KCND3: variants seen among roughly 807,000 people sequenced by gnomAD.
The protein encoded by KCND3 is potassium voltage-gated channel subfamily D member 3.
In KCND3, 9 loss-of-function variants were observed where a neutral mutation model predicts 51.1. That is an observed-to-expected ratio of 0.18 (90% CI 0.11 to 0.31). KCND3 has a LOEUF of 0.31. KCND3 is among the 10% of genes least tolerant of loss of function. KCND3 has a pLI of 1.00. For synonymous variants in KCND3, 349 were observed against 368.0 expected (o/e 0.95, Z 0.59); for missense variants, 526 against 903.8 (o/e 0.58, Z 5.36).
intron 2 of KCND3, among the ~76,000 whole-genome samples, chr1:111,934,155 G>T (rs576255187): frequency 6.6e-6 from 1 of 152,258 alleles, no homozygotes; most frequent in South Asian, 2.1e-4. Context: ...CCAGGTTGCT[G>T]TCTCCTCACC....
At chr1:111,903,234 T>G (rs1028338509) in intron 2 of KCND3, among the ~76,000 whole-genome samples, 4 of 152,366 alleles carry the variant, frequency 2.6e-5, no homozygotes, top group African/African-American at 9.6e-5. Context: ...AGTACCTCGC[T>G]GCTTTCTCCA....
At position 111,888,966 on chromosome 1, in the gene KCND3, T is replaced by C. The variant is rs531805399; in HGVS notation, c.1106+92655A>G. On this transcript the variant is annotated intron_variant, in intron 2 of 7. Coordinates refer to ENST00000302127, the MANE Select transcript of KCND3 (RefSeq NM_001378969.1). ...TGGCACTCACCGGGAGCAGCTTTGC[T>C]AATGAGGGACTTTTCTCTGGTTGTG... 5.3e-5 allele frequency among the ~76,000 whole-genome samples: 8 copies of C among 152,140 alleles called. No homozygotes were observed. In the South Asian group the frequency reaches 1.7e-3, roughly 32 times the overall value.
intron 2 of KCND3, among the ~76,000 whole-genome samples, chr1:111,900,383 T>A (rs1165633154): frequency 6.6e-6 from 1 of 152,240 alleles, no homozygotes. Flanking sequence ...AACATTCATT[T>A]GCATAAGGCA....
In KCND3 at chr1:111,861,492, C is replaced by T. The variant is rs187953933; in HGVS notation, c.1107-74386G>A. ...TTTGAAATCACTTTAAAAGGCTTTT[C>T]ATTTTGTAGATAAGAAAACTGGGGT... On this transcript the variant is annotated intron_variant, in intron 2 of 7. Transcript: ENST00000302127. Among the ~76,000 whole-genome samples the T allele has an allele frequency of 2.1e-3, 324 of 152,316 alleles. 1 individual carries two copies. Among genetic ancestry groups the T allele is most frequent in the African/African-American group, 7.5e-3 (311 of 41,582 alleles).
chr1:111,908,951 C>T (rs1446008935), intron 2 of KCND3, among the ~76,000 whole-genome samples: 5 of 131,324 alleles, frequency 3.8e-5, no homozygotes, highest in East Asian at 2.2e-4. Context: ...GGTCTCATGC[C>T]TTTTTTTTTT....
intron 2 of KCND3, among the ~76,000 whole-genome samples, chr1:111,812,954 C>A (rs935582322): frequency 6.6e-6 from 1 of 152,220 alleles, no homozygotes; most frequent in East Asian, 1.9e-4. Flanking sequence ...AGTCTGCCAT[C>A]TAGAACTGCT....
chr1:111,942,035 T>TG (rs964493840), intron 2 of KCND3, among the ~76,000 whole-genome samples: 12 of 152,098 alleles, frequency 7.9e-5, no homozygotes, highest in Admixed American at 7.9e-4. Context: ...TCCAGGGACT[T>TG]GGAGTATAAG....
chr1:111,982,209 A>G lies in KCND3; in HGVS notation c.518T>C (p.Phe173Ser). 1 of 1,613,906 alleles carries G rather than the reference A, an allele frequency of 6.2e-7. No individual in the cohort carries two copies. Among genetic ancestry groups the G allele is most frequent in the Non-Finnish European group, 8.5e-7 (1 of 1,179,974 alleles). ...CAGCGTGCTGGTGTGGGGGTTCTCG[A>G]AGGCCCGCCACATGGTCTGGCGGAA... is the stretch of plus-strand genomic sequence containing the variant. ...LSFRQTMWRA[F>S]ENPHTSTLAL... The change falls in exon 2 of 8, where the codon TTC (phenylalanine) becomes TCC (serine). Residue 173 changes from phenylalanine to serine, a missense_variant. Phe to Ser is a radical substitution (Grantham distance 155, BLOSUM62 -2). Coordinates refer to ENST00000302127, the MANE Select transcript of KCND3 (RefSeq NM_001378969.1). This position sits in a 1 kb window ranked among gnomAD's most constrained non-coding sequence, Gnocchi z 8.5.
intron 2 of KCND3, among the ~76,000 whole-genome samples, chr1:111,823,048 C>T (rs890677145): frequency 1.3e-5 from 2 of 152,154 alleles, no homozygotes; most frequent in African/African-American, 4.8e-5. Context: ...GCGGGGGACC[C>T]ACGGGGTGGC....
chr1:111,921,254 C>T (rs1671463865), intron 2 of KCND3, among the ~76,000 whole-genome samples: 1 of 152,190 alleles, frequency 6.6e-6, no homozygotes, highest in Non-Finnish European at 1.5e-5. Context: ...AAGGCTACAG[C>T]TGAAAAATGT....
At chr1:111,964,491 A>G (rs1673856245) in intron 2 of KCND3, among the ~76,000 whole-genome samples, 1 of 152,002 alleles carries the variant, frequency 6.6e-6, no homozygotes, top group African/African-American at 2.4e-5. Context: ...CCTGGTCAGT[A>G]ACCTCCTGCC....
intron 2 of KCND3, among the ~76,000 whole-genome samples, chr1:111,905,040 C>T (rs540894269): frequency 2.4e-4 from 37 of 152,328 alleles, no homozygotes; most frequent in African/African-American, 8.7e-4. Context: ...AGCTCTTCCC[C>T]GTACCTCCCC....
intron 2 of KCND3, among the ~76,000 whole-genome samples, chr1:111,899,625 C>T (rs1350587917): frequency 1.3e-5 from 2 of 152,172 alleles, no homozygotes; most frequent in African/African-American, 4.8e-5. Flanking sequence ...TACTCTAGAC[C>T]ACCCCTTAAA....
chr1:111,879,436 A>T (rs866667453), intron 2 of KCND3, among the ~76,000 whole-genome samples: 1 of 152,206 alleles, frequency 6.6e-6, no homozygotes, highest in Non-Finnish European at 1.5e-5. Context: ...GAAACTCAGC[A>T]TGAAGGCACT....
rs1468873693 is a variant in KCND3, at chr1:111,771,050, G to A, written c.*5027C>T. ...ACCATCCCTCCCACCTCCCAGGTTT[G>A]TAAAATAGTCCATTGGTCCAAGGAG... On this transcript the variant is annotated 3_prime_UTR_variant, in exon 8 of 8. Transcript: ENST00000302127. 6.6e-6 allele frequency: 1 copy of A among 152,144 alleles called. No individual in the cohort carries two copies. The allele number at this position is 152,144 out of a possible 1,614,324, so 9.4% of individuals were successfully genotyped here.
intron 2 of KCND3, among the ~76,000 whole-genome samples, chr1:111,954,854 T>C (rs903640658): frequency 6.6e-6 from 1 of 152,156 alleles, no homozygotes; most frequent in African/African-American, 2.4e-5. Context: ...AACTGGTCTA[T>C]GTTTTTGAAC....
At chr1:111,871,205 T>A (rs1008954389) in intron 2 of KCND3, among the ~76,000 whole-genome samples, 1 of 152,174 alleles carries the variant, frequency 6.6e-6, no homozygotes, top group Non-Finnish European at 1.5e-5. Flanking sequence ...GTTCTGTAAG[T>A]AGAGAGTAAC....
chr1:111,887,779 A>T (rs974163255), intron 2 of KCND3, among the ~76,000 whole-genome samples: 1 of 152,246 alleles, frequency 6.6e-6, no homozygotes, highest in Non-Finnish European at 1.5e-5. Context: ...ACTTCAAAGC[A>T]TCCAGGAATG....
Position 111,817,185 on chromosome 1 carries a change from TA to T in KCND3, c.1107-30080del, listed in dbSNP as rs34652868. On this transcript the variant is annotated intron_variant, in intron 2 of 7. Coordinates refer to ENST00000302127, the MANE Select transcript of KCND3 (RefSeq NM_001378969.1). ...AAAAATATCTAATTTCACTAGTTAC[TA>T]AAAAAAAAAAAAATGAAGTGGGGTA... Among the ~76,000 whole-genome samples, 950 of 144,380 alleles carry T rather than the reference TA, an allele frequency of 6.6e-3. 5 individuals are homozygous for T. The highest frequency in any genetic ancestry group is 0.02 in the African/African-American group (790 of 38,698). 94.7% of individuals were successfully genotyped at this position (144,380 alleles called of 152,430 possible). A position where few individuals can be genotyped will look rare whatever the true frequency, so the allele number is the denominator to read the frequency against.
Sources: gnomAD v4.1 joint callset for allele counts (sites outside exome capture counted in the v4.1 genomes callset) on GRCh38, gnomAD v4.1.1 for gene constraint, Gnocchi (gnomAD v3.1) non-coding constraint, MANE v1.5 for transcripts, NCBI Gene and HGNC (gene_info 2026-07-23, HGNC 2026-07-21) for gene names.